The following KCNIP4 variants were observed in gnomAD, a reference collection of about 807,000 sequenced individuals.
KCNIP4 encodes the protein potassium voltage-gated channel interacting protein 4, also known as Kv channel-interacting protein 4.
Under a neutral mutation model 34.0 loss-of-function variants are expected in KCNIP4, and 12 were observed. The ratio of observed to expected loss-of-function variants is 0.35; its 90% CI spans 0.23 to 0.57. KCNIP4 has a LOEUF of 0.57. Ranked by LOEUF, KCNIP4 falls within the 20% of genes least tolerant of loss-of-function variation. The pLI is 0.83. For synonymous variants in KCNIP4, 124 were observed against 102.2 expected (o/e 1.21, Z -1.29); for missense variants, 238 against 311.7 (o/e 0.76, Z 1.78).
chr4:21,420,619 T>A (rs1433897207), intron 1 of KCNIP4, among the ~76,000 whole-genome samples: 1 of 152,192 alleles, frequency 6.6e-6, no homozygotes, highest in Non-Finnish European at 1.5e-5. Flanking sequence ...TCTTTCCCAC[T>A]CTGGAATATG....
intron 1 of KCNIP4, among the ~76,000 whole-genome samples, chr4:21,567,584 T>C (rs934399492): frequency 1.3e-5 from 2 of 152,182 alleles, no homozygotes; most frequent in African/African-American, 4.8e-5. Context: ...TTTTCTGATG[T>C]GTACAATGCA....
chr4:20,851,979 C>A (rs1380417812), intron 2 of KCNIP4, among the ~76,000 whole-genome samples: 1 of 152,122 alleles, frequency 6.6e-6, no homozygotes, highest in Non-Finnish European at 1.5e-5. Flanking sequence ...GGCACCACTG[C>A]AGTCCAGTTT....
intron 1 of KCNIP4, among the ~76,000 whole-genome samples, chr4:21,031,205 A>T (rs1740995389): frequency 6.6e-6 from 1 of 152,172 alleles, no homozygotes; most frequent in African/African-American, 2.4e-5. Context: ...ATTACTTCCC[A>T]AGTTCCTTGC....
chr4:21,295,179 C>T (rs1763764937), intron 1 of KCNIP4, among the ~76,000 whole-genome samples: 1 of 152,040 alleles, frequency 6.6e-6, no homozygotes, highest in Admixed American at 6.6e-5. Flanking sequence ...GAGGGAAAAC[C>T]TAGATCAATG....
chr4:21,640,185 G>A (rs975260420), intron 1 of KCNIP4, among the ~76,000 whole-genome samples: 1 of 152,090 alleles, frequency 6.6e-6, no homozygotes, highest in Non-Finnish European at 1.5e-5. Context: ...TCTGATTGCC[G>A]CTTTGACTCT....
intron 3 of KCNIP4, among the ~76,000 whole-genome samples, chr4:20,775,024 AG>A (rs1043520531): frequency 3.3e-5 from 5 of 152,208 alleles, no homozygotes; most frequent in Non-Finnish European, 7.3e-5. Context: ...TTACTCTACC[AG>A]AGTTGAATTT....
At chr4:21,937,647 C>T (rs1010728162) in intron 1 of KCNIP4, among the ~76,000 whole-genome samples, 3 of 152,084 alleles carry the variant, frequency 2.0e-5, no homozygotes, top group Non-Finnish European at 4.4e-5. Context: ...TCAAAACTAA[C>T]CATTCAGGTT....
chr4:21,109,881 C>T (rs1035049229), intron 1 of KCNIP4, among the ~76,000 whole-genome samples: 4 of 151,780 alleles, frequency 2.6e-5, no homozygotes, highest in African/African-American at 7.3e-5. Context: ...ACTACTCTTT[C>T]CTAAAGTAAG....
intron 1 of KCNIP4, among the ~76,000 whole-genome samples, chr4:21,605,047 C>T (rs73254373): frequency 0.031 from 4,650 of 152,248 alleles, 77 homozygotes; most frequent in South Asian, 0.071. Context: ...AACAGCAAGT[C>T]TTCTTTGGTG....
intron 1 of KCNIP4, among the ~76,000 whole-genome samples, chr4:21,265,762 G>C (rs908109079): frequency 1.1e-4 from 16 of 152,132 alleles, no homozygotes; most frequent in African/African-American, 3.6e-4. Context: ...TGGGTGGAAG[G>C]ACACTTAAAC....
chr4:21,499,801 C>A (rs1733161119), intron 1 of KCNIP4, among the ~76,000 whole-genome samples: 1 of 152,096 alleles, frequency 6.6e-6, no homozygotes. Context: ...TGCATAGACA[C>A]TTTGATTTCA....
At chr4:21,685,449 A>T (rs1750732728) in intron 1 of KCNIP4, among the ~76,000 whole-genome samples, 1 of 152,184 alleles carries the variant, frequency 6.6e-6, no homozygotes. Context: ...ATAAAAGTTC[A>T]AGTCATTTTC....
At position 21,383,134 on chromosome 4, in the gene KCNIP4, C is replaced by T. The variant is rs145245158; in HGVS notation, c.62-500425G>A. On this transcript the variant is annotated intron_variant, in intron 1 of 8. Transcript: ENST00000382152. Reference sequence around the variant, plus strand: ...AAAAGATCAAGACTCAGCAAGAAGTCGGCCATCTGCAAGCCAAGGAGTGAG... The same window carrying T: ...AAAAGATCAAGACTCAGCAAGAAGTTGGCCATCTGCAAGCCAAGGAGTGAG... Among the ~76,000 whole-genome samples, 709 of 152,212 alleles carry T rather than the reference C, an allele frequency of 4.7e-3. 7 individuals are homozygous for T. The highest frequency in any genetic ancestry group is 0.016 in the African/African-American group (651 of 41,518).
In KCNIP4 at chr4:20,740,128, C is replaced by T. The variant is rs181990143; in HGVS notation, c.430-5393G>A. On this transcript the variant is annotated intron_variant, in intron 5 of 8. Coordinates refer to ENST00000382152, the MANE Select transcript of KCNIP4 (RefSeq NM_025221.6). The stretch of plus-strand genomic sequence containing the variant: ...GTCTGATTGGTGTACCTGAAAGTGA[C>T]GGGGAGAATTGAACCAAGTTGGAAA... Among the ~76,000 whole-genome samples, 44 of 152,144 alleles carry T rather than the reference C, an allele frequency of 2.9e-4. No individual in the cohort carries two copies. The East Asian group carries it at 7.3e-3, about 25-fold the overall frequency.
chr4:21,618,592 G>T (rs2323068), intron 1 of KCNIP4, among the ~76,000 whole-genome samples: 96,921 of 143,258 alleles, frequency 0.68, 32,966 homozygotes, highest in East Asian at 0.86. Context: ...CTCTCTGTTT[G>T]TATTTATATA....
intron 1 of KCNIP4, among the ~76,000 whole-genome samples, chr4:21,387,236 A>G (rs1417095189): frequency 6.6e-6 from 1 of 152,192 alleles, no homozygotes; most frequent in Non-Finnish European, 1.5e-5. Context: ...CTAAACCAGA[A>G]ATGAGTGTTC....
At chr4:21,285,699 G>C (rs1446345740) in intron 1 of KCNIP4, among the ~76,000 whole-genome samples, 1 of 152,028 alleles carries the variant, frequency 6.6e-6, no homozygotes. Flanking sequence ...AAAAAAGCCA[G>C]GCATGGTAGT....
chr4:21,197,053 G>A (rs2109363321), intron 1 of KCNIP4, among the ~76,000 whole-genome samples: 1 of 152,020 alleles, frequency 6.6e-6, no homozygotes, highest in South Asian at 2.1e-4. Context: ...GTGCTTTTTT[G>A]GCATTCTATT....
intron 3 of KCNIP4, among the ~76,000 whole-genome samples, chr4:20,802,101 ATATATATATGC>A (rs200641591): frequency 0.013 from 1,574 of 118,154 alleles, 11 homozygotes; most frequent in African/African-American, 0.034. Context: ...TACATATTGC[ATATATATATGC>A]TATATATATG....
Sources: allele counts gnomAD v4.1 joint callset (sites outside exome capture counted in the v4.1 genomes callset), GRCh38; gene constraint gnomAD v4.1.1; transcripts MANE v1.5; gene names NCBI Gene and HGNC (gene_info 2026-07-23, HGNC 2026-07-21).